Variants in ALS2CL observed in about 807,000 individuals in gnomAD.
ALS2CL encodes the protein ALS2 C-terminal-like protein.
ALS2CL carries 112 observed loss-of-function variants against 127.9 expected under a neutral mutation model. That is an observed-to-expected ratio of 0.88 (90% CI 0.75 to 1.02). The LOEUF is 1.02. ALS2CL is among the 50% of genes least tolerant of loss of function. The pLI, the probability that ALS2CL is intolerant of heterozygous loss-of-function variation, is 0.00. For synonymous variants in ALS2CL, 519 were observed against 527.6 expected, an observed-to-expected ratio of 0.98 and a Z score of 0.22; for missense variants, 1,174 against 1,236.7, an observed-to-expected ratio of 0.95 and a Z score of 0.76.
intron 10 of ALS2CL, among the ~76,000 whole-genome samples, chr3:46,682,739 T>C (rs1177351446): frequency 6.6e-6 from 1 of 152,094 alleles, no homozygotes. Flanking sequence ...ACCTATGAAA[T>C]GGGTAAAAGC....
In ALS2CL at chr3:46,686,339, G is replaced by A. The variant is rs561405958; in HGVS notation, c.635C>T (p.Ala212Val). The A allele has an allele frequency of 3.7e-6, 6 of 1,613,298 alleles. No homozygotes were observed. The African/African-American group carries it at 5.3e-5, about 14-fold the overall frequency. Residue 212 changes from alanine to valine, a missense_variant, in exon 6 of 26, where the codon GCT becomes GTT. By Grantham distance (64) the Ala-to-Val change is moderately conservative. Coordinates refer to ENST00000318962, the MANE Select transcript of ALS2CL (RefSeq NM_147129.5). The surrounding 1 kb of genome is among the most constrained non-coding windows in gnomAD (Gnocchi z 4.3). ...QELDQAVATQ[A>V]LWHTLRGRLR... is the part of the protein sequence containing the mutation. ...CCGGCCTCTCAGGGTGTGCCAGAGA[G>A]CCTGTGTGGCCACAGCCTGGTCCAA...
chr3:46,686,241 G>GCC lies in ALS2CL; in HGVS notation c.666+65_666+66dup. 6.6e-7 allele frequency: 1 copy of GCC among 1,512,536 alleles called. No individual in the cohort carries two copies. The allele number at this position is 1,512,536 out of a possible 1,614,324, so 93.7% of individuals were successfully genotyped here. A position where few individuals can be genotyped will look rare whatever the true frequency, so the allele number is the denominator to read the frequency against. On this transcript the variant is annotated intron_variant, in intron 6 of 25. Transcript: ENST00000318962. This position sits in a 1 kb window ranked among gnomAD's most constrained non-coding sequence, Gnocchi z 4.3. The stretch of plus-strand genomic sequence containing the variant: ...CCAGAGAATACAGCAAGCAGCTCAA[G>GCC]CCCCCCAACATCTCCATGCCCAATG...
intron 3 of ALS2CL, 41 bp downstream of exon 3, chr3:46,688,057 A>T: frequency 6.3e-7 from 1 of 1,598,648 alleles, no homozygotes; most frequent in Non-Finnish European, 8.6e-7. Context: ...TGTCACTCTG[A>T]CACCAGGGAT....
Position 46,687,040 on chromosome 3 carries a change from G to A in ALS2CL, c.477C>T (p.Ala159=). ...SLGQALHQPL[A]HHVQQYVLLL... ...GGAGCACGTACTGTTGCACGTGATG[G>A]GCGAGTGGCTGGTGGAGGGCCTGGC... Residue 159 remains alanine, a synonymous_variant, in exon 5 of 26, where the codon GCC becomes GCT. Coordinates refer to ENST00000318962, the MANE Select transcript of ALS2CL (RefSeq NM_147129.5). 4.4e-6 allele frequency: 7 copies of A among 1,605,446 alleles called. No individual in the cohort carries two copies. The highest frequency in any genetic ancestry group is 1.1e-5 in the South Asian group (1 of 90,490).
intron 22 of ALS2CL, among the ~76,000 whole-genome samples, chr3:46,672,785 A>C (rs1335501541): frequency 6.6e-6 from 1 of 152,194 alleles, no homozygotes; most frequent in Non-Finnish European, 1.5e-5. Context: ...ACCTGAGGTC[A>C]GGAGTTTGAG....
At position 46,678,259 on chromosome 3, in the gene ALS2CL, C is replaced by A. The variant is rs1240096455; in HGVS notation, c.1757G>T (p.Arg586Met). The A allele has an allele frequency of 6.3e-7, 1 of 1,583,344 alleles. No homozygotes were observed. Among genetic ancestry groups the A allele is most frequent in the South Asian group, 1.1e-5 (1 of 88,010 alleles). ...AGAGCCAGAGGGGCCAGGCACTCAC[C>A]TCTTGCAGGTACTGCTCGGGTCTGG... ...LPPDPSSTCK[R>M]QLGVGAFPVE... The change falls in exon 16 of 26, where the codon AGG (arginine) becomes ATG (methionine). Residue 586 changes from arginine to methionine, a missense_variant and splice_region_variant. Arg to Met is a moderately conservative substitution (Grantham distance 91, BLOSUM62 -1). Transcript: ENST00000318962.
At chr3:46,672,668 C>T (rs536135476) in intron 22 of ALS2CL, among the ~76,000 whole-genome samples, 468 of 152,278 alleles carry the variant, frequency 3.1e-3, no homozygotes, top group Admixed American at 5.0e-3. Flanking sequence ...AGAACAGCTG[C>T]CTCATGTGCC....
rs747852665 is a variant in ALS2CL, at chr3:46,681,095, C to A, written c.1436+151G>T. 2 of 1,274,286 alleles carry A rather than the reference C, an allele frequency of 1.6e-6. No individual in the cohort carries two copies. Among genetic ancestry groups the A allele is most frequent in the South Asian group, 1.2e-5 (1 of 82,932 alleles). The allele number at this position is 1,274,286 out of a possible 1,614,324, so 78.9% of individuals were successfully genotyped here. ...GTGACCAAGATTCGCTCAGCCTGAG[C>A]CTCCGCAGCAACCGAGGGACTGGAG... On this transcript the variant is annotated intron_variant, in intron 13 of 25. Coordinates refer to ENST00000318962, the MANE Select transcript of ALS2CL (RefSeq NM_147129.5). The surrounding 1 kb of genome is among the most constrained non-coding windows in gnomAD (Gnocchi z 4.9).
chr3:46,670,863 C>A lies in ALS2CL; in HGVS notation c.*121G>T, dbSNP rs1012168988. Reference sequence around the variant, plus strand: ...AGCAGCAGCATCTTCCTGTGCAAAACAAAATGCTCATCTCCTCCAAGAGCT... The same window carrying A: ...AGCAGCAGCATCTTCCTGTGCAAAAAAAAATGCTCATCTCCTCCAAGAGCT... On this transcript the variant is annotated 3_prime_UTR_variant, in exon 26 of 26. Transcript: ENST00000318962. This position sits in a 1 kb window ranked among gnomAD's most constrained non-coding sequence, Gnocchi z 5.5. 3 of 1,052,910 alleles carry A rather than the reference C, an allele frequency of 2.8e-6. No homozygotes were observed. The highest frequency in any genetic ancestry group is 2.9e-6 in the Non-Finnish European group (2 of 696,196). The allele number at this position is 1,052,910 out of a possible 1,614,324, so 65.2% of individuals were successfully genotyped here.
intron 19 of ALS2CL, 173 bp downstream of exon 19, chr3:46,676,072 T>G: frequency 7.4e-7 from 1 of 1,360,320 alleles, no homozygotes; most frequent in Non-Finnish European, 9.7e-7. Flanking sequence ...GCCTTTGCTC[T>G]CACCTCCCCA....
rs1429764094 is a variant in ALS2CL at position 46,669,298 on chromosome 3, G to C, written c.*1686C>G. The stretch of plus-strand genomic sequence containing the variant: ...AGCCTTCCTGCCTCAGCCTCCCAAA[G>C]TGAGCCACTGTGCCCAGCCAGAGGC... On this transcript the variant is annotated 3_prime_UTR_variant, in exon 26 of 26. Transcript: ENST00000318962. The C allele has an allele frequency of 6.6e-6, 1 of 152,274 alleles. No individual in the cohort carries two copies. The highest frequency in any genetic ancestry group is 6.5e-5 in the Admixed American group (1 of 15,288). The allele number at this position is 152,274 out of a possible 1,614,324, so 9.4% of individuals were successfully genotyped here.
intron 7 of ALS2CL, among the ~76,000 whole-genome samples, chr3:46,684,667 G>T (rs1009523045): frequency 6.6e-6 from 1 of 152,180 alleles, no homozygotes; most frequent in South Asian, 2.1e-4. Flanking sequence ...CTTGCCAGCC[G>T]CAGGCCAGGG....
In ALS2CL at chr3:46,681,400, T is replaced by C. The variant is rs754279268; in HGVS notation, c.1282A>G (p.Thr428Ala). The C allele has an allele frequency of 1.2e-6, 2 of 1,605,910 alleles. No individual in the cohort carries two copies. Among genetic ancestry groups the C allele is most frequent in the Non-Finnish European group, 8.5e-7 (1 of 1,173,854 alleles). The change falls in exon 13 of 26, where the codon ACC becomes GCC. Residue 428 changes from threonine to alanine, a missense_variant. By Grantham distance (58) the Thr-to-Ala change is moderately conservative. Transcript: ENST00000318962. This position sits in a 1 kb window ranked among gnomAD's most constrained non-coding sequence, Gnocchi z 4.9. ...AAGTAGCCCTTGTACACCTCGTCGG[T>C]GCTGTACCTGGGGAGGGCCATCAAC... ...MCGYGICEYS[T>A]DEVYKGYFQE...
intron 7 of ALS2CL, among the ~76,000 whole-genome samples, chr3:46,684,971 T>C (rs1699651777): frequency 6.6e-6 from 1 of 152,094 alleles, no homozygotes; most frequent in Non-Finnish European, 1.5e-5. Context: ...CAGGACAACA[T>C]GATTTCAGGA....
At chr3:46,673,002 T>C (rs568902775) in intron 22 of ALS2CL, among the ~76,000 whole-genome samples, 23 of 152,246 alleles carry the variant, frequency 1.5e-4, no homozygotes, top group Middle Eastern at 3.4e-3. Context: ...TGAGACTTTT[T>C]CTCGAAAAGT....
intron 1 of ALS2CL, among the ~76,000 whole-genome samples, chr3:46,690,143 A>G (rs948300520): frequency 2.0e-5 from 3 of 152,260 alleles, no homozygotes; most frequent in African/African-American, 7.2e-5. Context: ...CCAAAGGACC[A>G]CAGCTTCACT....
At chr3:46,692,145 G>A (rs1459190178) in intron 1 of ALS2CL, among the ~76,000 whole-genome samples, 10 of 152,170 alleles carry the variant, frequency 6.6e-5, no homozygotes, top group Admixed American at 6.5e-4. Flanking sequence ...TTGGGGGAAG[G>A]CCGCAGTGGA....
rs757337201 is a variant in ALS2CL at position 46,681,048 on chromosome 3, C to T, written c.1436+198G>A. 1.5e-5 allele frequency: 12 copies of T among 823,022 alleles called. No individual in the cohort carries two copies. Among genetic ancestry groups the T allele is most frequent in the South Asian group, 7.7e-5 (5 of 65,122 alleles). The allele number at this position is 823,022 out of a possible 1,614,324, so 51.0% of individuals were successfully genotyped here. Reference sequence around the variant, plus strand: ...CAACACCATGAGGAGGGGTGAGGGGCGGGGGCGACCCTGCAGTCAGCGTGA... The same window carrying T: ...CAACACCATGAGGAGGGGTGAGGGGTGGGGGCGACCCTGCAGTCAGCGTGA... On this transcript the variant is annotated intron_variant, in intron 13 of 25. Coordinates refer to ENST00000318962, the MANE Select transcript of ALS2CL (RefSeq NM_147129.5). The surrounding 1 kb of genome is among the most constrained non-coding windows in gnomAD (Gnocchi z 4.9).
At position 46,686,622 on chromosome 3, in the gene ALS2CL, T is replaced by G. The variant is rs1262561160; in HGVS notation, c.535-183A>C. Among the ~76,000 whole-genome samples the G allele has an allele frequency of 1.3e-5, 2 of 152,108 alleles. No homozygotes were observed. The highest frequency in any genetic ancestry group is 4.8e-5 in the African/African-American group (2 of 41,406). The stretch of plus-strand genomic sequence containing the variant: ...TGAAGGTGCTTCCCCAGCTTGGCCC[T>G]GGGCCCACGTGTCCTCATTCCCAGG... On this transcript the variant is annotated intron_variant, in intron 5 of 25. Coordinates refer to ENST00000318962, the MANE Select transcript of ALS2CL (RefSeq NM_147129.5). The surrounding 1 kb of genome is among the most constrained non-coding windows in gnomAD (Gnocchi z 4.3).
Sources: gnomAD v4.1 joint callset for allele counts (sites outside exome capture counted in the v4.1 genomes callset) on GRCh38, gnomAD v4.1.1 for gene constraint, Gnocchi (gnomAD v3.1) non-coding constraint, MANE v1.5 for transcripts, NCBI Gene and HGNC (gene_info 2026-07-23, HGNC 2026-07-21) for gene names.